PDXDC1: variants seen among roughly 807,000 people sequenced by gnomAD.
The protein encoded by PDXDC1 is pyridoxal-dependent decarboxylase domain-containing protein 1.
PDXDC1 carries 42 observed loss-of-function variants against 100.1 expected under a neutral mutation model. The ratio of observed to expected loss-of-function variants is 0.42; its 90% CI spans 0.33 to 0.54. The LOEUF is 0.54. Ranked by LOEUF, PDXDC1 falls within the 20% of genes least tolerant of loss-of-function variation. The pLI, the probability that PDXDC1 is intolerant of heterozygous loss-of-function variation, is 0.10. For missense variants in PDXDC1, 636 were observed against 979.2 expected (o/e 0.65, Z 4.68); for synonymous variants, 260 against 371.7 (o/e 0.70, Z 3.46).
intron 14 of PDXDC1, among the ~76,000 whole-genome samples, chr16:15,027,846 C>T (rs1032043624): frequency 2.0e-5 from 3 of 152,292 alleles, no homozygotes; most frequent in East Asian, 1.9e-4. Context: ...GGTGGGCCAG[C>T]GTGGTCTTGG....
chr16:15,029,712 A>G (rs199859452), intron 15 of PDXDC1: 2 of 576,782 alleles, frequency 3.5e-6, no homozygotes, highest in African/African-American at 3.7e-5. Context: ...GGTCATTGTT[A>G]TTTTCTTCTT....
intron 16 of PDXDC1, chr16:15,076,559 A>G: frequency 1.9e-6 from 3 of 1,601,826 alleles, no homozygotes; most frequent in South Asian, 1.1e-5. Flanking sequence ...ACTGCTAACC[A>G]TATTAAACAA....
At position 15,024,296 on chromosome 16, in the gene PDXDC1, G is replaced by T. The variant is rs562299639; in HGVS notation, c.1140+1542G>T. ...GCTGCTGCTTGTGAAATTCATGTGT[G>T]GTACTAAGTACCTTACATGAATTAT... On this transcript the variant is annotated intron_variant, in intron 13 of 22. Coordinates refer to ENST00000396410, the MANE Select transcript of PDXDC1 (RefSeq NM_015027.4). 2.0e-5 allele frequency among the ~76,000 whole-genome samples: 3 copies of T among 152,324 alleles called. No homozygotes were observed. The South Asian group carries it at 6.2e-4, about 32-fold the overall frequency.
intron 16 of PDXDC1, among the ~76,000 whole-genome samples, chr16:15,122,994 G>A (rs2047513173): frequency 6.6e-6 from 1 of 151,048 alleles, no homozygotes; most frequent in Admixed American, 6.6e-5. Context: ...GGAAGGTTTA[G>A]CTACAGGTCA....
intron 16 of PDXDC1, among the ~76,000 whole-genome samples, chr16:15,044,152 A>G (rs568452967): frequency 1.2e-3 from 189 of 152,204 alleles, no homozygotes; most frequent in African/African-American, 4.3e-3. Context: ...ACCCCTCCCT[A>G]CACATGAGCT....
At chr16:15,082,770 C>A (rs1361927505) in intron 16 of PDXDC1, among the ~76,000 whole-genome samples, 1 of 151,842 alleles carries the variant, frequency 6.6e-6, no homozygotes, top group Non-Finnish European at 1.5e-5. Flanking sequence ...ATTCGGTTTT[C>A]TACTAAGGCA....
At chr16:14,991,524 C>CTTTTT (rs1313041416) in intron 1 of PDXDC1, among the ~76,000 whole-genome samples, 1 of 136,066 alleles carries the variant, frequency 7.3e-6, no homozygotes, top group African/African-American at 2.7e-5. Flanking sequence ...TGTATTTTGT[C>CTTTTT]TATTTTTTTT....
At chr16:15,038,516 ACAGATGGGGAAAC>A, downstream of PDXDC1, 1 of 989,340 alleles carries the variant, frequency 1.0e-6, no homozygotes, top group Non-Finnish European at 1.6e-6. Context: ...TTTTTTTCTT[ACAGATGGGGAAAC>A]CAGGGTGCAG....
At chr16:15,147,254 C>G in the PDXDC1 span, among the ~76,000 whole-genome samples, 2 of 152,126 alleles carry the variant, frequency 1.3e-5, no homozygotes, top group African/African-American at 4.8e-5. Flanking sequence ...CATCCCAGCC[C>G]GACTCGGAAG....
At chr16:15,063,211 C>T in intron 16 of PDXDC1, 1 of 1,611,200 alleles carries the variant, frequency 6.2e-7, no homozygotes, top group Non-Finnish European at 8.5e-7. Flanking sequence ...TCATGGGTTT[C>T]TTGAACTCCT....
Position 15,034,397 on chromosome 16 carries a change from AGCAGGCTGGGGGAGCC to A in PDXDC1, c.1905+22_1905+37del, listed in dbSNP as rs2043266655. ...GGAAGAGGTGAGGCCCCCGATGGGCAGCAGGCTGGGGGAGCCGCCGTGAGGCCAGGTGGCCCTGAAC... is the reference window on the plus strand; with the variant it reads ...GGAAGAGGTGAGGCCCCCGATGGGCAGCCGTGAGGCCAGGTGGCCCTGAAC... On this transcript the variant is annotated intron_variant, in intron 20 of 22. Transcript: ENST00000396410. 1 of 1,613,414 alleles carries A rather than the reference AGCAGGCTGGGGGAGCC, an allele frequency of 6.2e-7. No homozygotes were observed. Among genetic ancestry groups the A allele is most frequent in the African/African-American group, 1.3e-5 (1 of 74,934 alleles).
At chr16:15,143,525 G>T (rs1351486216), downstream of PDXDC1, among the ~76,000 whole-genome samples, 2 of 152,182 alleles carry the variant, frequency 1.3e-5, no homozygotes, top group Non-Finnish European at 2.9e-5. Flanking sequence ...CCCCTCAGGG[G>T]TGTTCCCAGC....
chr16:15,021,468 A>G (rs1021486129), intron 12 of PDXDC1, among the ~76,000 whole-genome samples: 1 of 152,298 alleles, frequency 6.6e-6, no homozygotes, highest in African/African-American at 2.4e-5. Context: ...CTGTGCTATT[A>G]GCTCACTTCT....
At chr16:15,017,206 A>G (rs144073277) in intron 10 of PDXDC1, 38 bp downstream of exon 10, 3,310 of 1,611,048 alleles carry the variant, frequency 2.1e-3, no homozygotes, top group Non-Finnish European at 2.5e-3. Context: ...TGTTTTTAAG[A>G]ATGAATTTAA....
chr16:15,033,693 A>G (rs2043212007), intron 19 of PDXDC1, among the ~76,000 whole-genome samples: 1 of 151,954 alleles, frequency 6.6e-6, no homozygotes, highest in Non-Finnish European at 1.5e-5. Context: ...AGACACATTC[A>G]CCCCTGCCAC....
At chr16:15,068,072 T>C (rs2045053051) in intron 16 of PDXDC1, 1 of 1,394,670 alleles carries the variant, frequency 7.2e-7, no homozygotes, top group African/African-American at 1.5e-5. Context: ...TTTATAATGT[T>C]ACTAATTTCA....
rs1045491864 is a variant in PDXDC1, at chr16:15,034,111, C to G, written c.1813-175C>G. 4 of 613,576 alleles carry G rather than the reference C, an allele frequency of 6.5e-6. No individual in the cohort carries two copies. In the African/African-American group the frequency reaches 7.4e-5, roughly 11 times the overall value. 38.0% of individuals were successfully genotyped at this position (613,576 alleles called of 1,614,324 possible). Reference sequence around the variant, plus strand: ...GTCACCAAGGTGTGTCTGCCTAGGCCTCTATGAGCATGTTATCTGCTTGTC... The same window carrying G: ...GTCACCAAGGTGTGTCTGCCTAGGCGTCTATGAGCATGTTATCTGCTTGTC... On this transcript the variant is annotated intron_variant, in intron 19 of 22. Coordinates refer to ENST00000396410, the MANE Select transcript of PDXDC1 (RefSeq NM_015027.4).
chr16:15,019,572 T>G (rs2042025409), intron 12 of PDXDC1, among the ~76,000 whole-genome samples: 1 of 152,276 alleles, frequency 6.6e-6, no homozygotes, highest in Admixed American at 6.5e-5. Context: ...GTGAGAAGTC[T>G]CAGATCAAGG....
intron 16 of PDXDC1, among the ~76,000 whole-genome samples, chr16:15,068,769 C>T (rs1208323557): frequency 6.6e-6 from 1 of 152,178 alleles, no homozygotes; most frequent in Admixed American, 6.5e-5. Flanking sequence ...CCTTCTACCT[C>T]AACGGACGGC....
Sources: gnomAD v4.1 joint callset for allele counts (sites outside exome capture counted in the v4.1 genomes callset) on GRCh38, gnomAD v4.1.1 for gene constraint, MANE v1.5 for transcripts, NCBI Gene and HGNC (gene_info 2026-07-23, HGNC 2026-07-21) for gene names.